Variants in NIPBL observed in about 807,000 individuals in gnomAD.
NIPBL encodes the protein NIPBL cohesin loading factor.
Under a neutral mutation model 321.8 loss-of-function variants are expected in NIPBL, and 19 were observed. The ratio of observed to expected loss-of-function variants is 0.06; its 90% CI spans 0.04 to 0.09. NIPBL has a LOEUF of 0.09. Among genes scored for constraint, NIPBL ranks in the 10% least tolerant of loss-of-function variants. The pLI is 1.00. For missense variants in NIPBL, 2,210 were observed against 3,327.0 expected (o/e 0.66, Z 8.26); for synonymous variants, 1,106 against 1,114.1 (o/e 0.99, Z 0.14).
intron 1 of NIPBL, among the ~76,000 whole-genome samples, chr5:36,917,278 C>T (rs905976156): frequency 6.6e-6 from 1 of 152,198 alleles, no homozygotes; most frequent in Non-Finnish European, 1.5e-5. Context: ...CTGTTGGCTG[C>T]ATAAATGTCT....
rs767920646 is a variant in NIPBL at position 37,001,026 on chromosome 5, C to T, written c.3612C>T (p.Ala1204=). 1.9e-6 allele frequency: 3 copies of T among 1,611,840 alleles called. No individual in the cohort carries two copies. Among genetic ancestry groups the T allele is most frequent in the Non-Finnish European group, 2.5e-6 (3 of 1,178,670 alleles). ...CTTCAACTTTTAAGAGATTCACAGC[C>T]TCAATAGAGAATATTTTGGATAATT... ...MDSSTFKRFT[A]SIENILDNLE... Residue 1204 remains alanine, a synonymous_variant, in exon 14 of 47, where the codon GCC becomes GCT. Coordinates refer to ENST00000282516, the MANE Select transcript of NIPBL (RefSeq NM_133433.4).
intron 8 of NIPBL, among the ~76,000 whole-genome samples, chr5:36,972,970 C>T (rs1269969409): frequency 1.3e-5 from 2 of 152,102 alleles, no homozygotes; most frequent in East Asian, 3.8e-4. Flanking sequence ...CTACTTTATG[C>T]ACACGAATTT....
intron 7 of NIPBL, 108 bp from the exon 8 acceptor site, chr5:36,971,837 T>A: frequency 6.6e-7 from 1 of 1,510,756 alleles, no homozygotes; most frequent in Non-Finnish European, 8.9e-7. Context: ...GCTTTTGAAT[T>A]CCAACACTTT....
At chr5:37,024,282 C>G (rs964282199) in intron 29 of NIPBL, among the ~76,000 whole-genome samples, 11 of 152,118 alleles carry the variant, frequency 7.2e-5, no homozygotes, top group African/African-American at 2.7e-4. Flanking sequence ...AAGTGCCAGA[C>G]ACTATTCTAA....
chr5:37,039,954 C>T (rs970478894), intron 34 of NIPBL, among the ~76,000 whole-genome samples: 1 of 152,026 alleles, frequency 6.6e-6, no homozygotes, highest in Admixed American at 6.6e-5. Context: ...CAGTACCAAG[C>T]ACTGTGAAAA....
chr5:36,890,098 G>C (rs1195770433), intron 1 of NIPBL, among the ~76,000 whole-genome samples: 1 of 151,876 alleles, frequency 6.6e-6, no homozygotes, highest in Non-Finnish European at 1.5e-5. Context: ...GATTTTCCTA[G>C]TTTTCTATAT....
At chr5:37,054,118 C>T (rs1342060286) in intron 42 of NIPBL, among the ~76,000 whole-genome samples, 1 of 151,778 alleles carries the variant, frequency 6.6e-6, no homozygotes, top group East Asian at 1.9e-4. Flanking sequence ...ATTGCTTGAA[C>T]CCAGGAGGCA....
intron 6 of NIPBL, among the ~76,000 whole-genome samples, chr5:36,966,252 A>G (rs1342976048): frequency 1.3e-5 from 2 of 152,002 alleles, no homozygotes; most frequent in African/African-American, 2.4e-5. Context: ...TTTTCACCCC[A>G]TGACACTAAT....
intron 6 of NIPBL, 58 bp downstream of exon 6, chr5:36,962,332 ATTTGTTT>A (rs1264955765): frequency 6.3e-7 from 1 of 1,584,992 alleles, no homozygotes; most frequent in Non-Finnish European, 8.7e-7. Flanking sequence ...TTCCAAGCAA[ATTTGTTT>A]TTTAAAATAT....
chr5:36,967,278 G>C (rs1320915444), intron 6 of NIPBL, among the ~76,000 whole-genome samples: 1 of 152,078 alleles, frequency 6.6e-6, no homozygotes. Flanking sequence ...AAACATTTCA[G>C]TCTTCATAGT....
chr5:36,953,864 C>T (rs2149597641), intron 2 of NIPBL, 104 bp downstream of exon 2: 1 of 1,004,320 alleles, frequency 1.0e-6, no homozygotes, highest in African/African-American at 1.6e-5. Context: ...AACACATTTA[C>T]AGAAATAGCA....
chr5:36,902,005 T>C (rs373689256), intron 1 of NIPBL, among the ~76,000 whole-genome samples: 1 of 152,274 alleles, frequency 6.6e-6, no homozygotes, highest in South Asian at 2.1e-4. Flanking sequence ...CTCTAATGAT[T>C]AGTGATGTTG....
chr5:37,017,974 GAAGTT>G (rs1465224982), intron 24 of NIPBL, among the ~76,000 whole-genome samples: 1 of 151,880 alleles, frequency 6.6e-6, no homozygotes, highest in African/African-American at 2.4e-5. Flanking sequence ...CGAACCACTT[GAAGTT>G]AAGTTGCAGA....
intron 4 of NIPBL, among the ~76,000 whole-genome samples, chr5:36,958,519 TAA>T (rs1338476488): frequency 2.0e-5 from 3 of 152,212 alleles, no homozygotes; most frequent in Non-Finnish European, 2.9e-5. Context: ...TAATTTGAAA[TAA>T]GTCTTTCATT....
chr5:36,965,429 A>ATTATATGT (rs1561087576), intron 6 of NIPBL, among the ~76,000 whole-genome samples: 1 of 152,010 alleles, frequency 6.6e-6, no homozygotes, highest in East Asian at 1.9e-4. Flanking sequence ...ACACAGACAA[A>ATTATATGT]TATTATATGT....
intron 29 of NIPBL, among the ~76,000 whole-genome samples, chr5:37,022,825 G>GT (rs1749805218): frequency 6.6e-6 from 1 of 152,184 alleles, no homozygotes; most frequent in South Asian, 2.1e-4. Context: ...GCATCTTCTT[G>GT]TTTCCTTAAA....
intron 1 of NIPBL, among the ~76,000 whole-genome samples, chr5:36,931,320 C>CT (rs1298555308): frequency 6.6e-6 from 1 of 151,336 alleles, no homozygotes; most frequent in Non-Finnish European, 1.5e-5. Context: ...TTAATTCTTT[C>CT]TTTTTTTATT....
Position 36,962,270 on chromosome 5 carries a change from A to G in NIPBL, c.606A>G (p.Gln202=), listed in dbSNP as rs1233849776. 6 of 1,613,942 alleles carry G rather than the reference A, an allele frequency of 3.7e-6. No individual in the cohort carries two copies. Among genetic ancestry groups the G allele is most frequent in the African/African-American group, 1.3e-5 (1 of 74,924 alleles). ...GTTACACAACACATCCACAGATGCA[A>G]CAAGGTAAGAAAGTTGTTTGTAACT... The part of the protein sequence containing the change: ...PSSYTTHPQM[Q]QASVSSPIVA... Residue 202 remains glutamine (Q), a synonymous_variant, in exon 6 of 47, where the codon CAA becomes CAG. Transcript: ENST00000282516.
chr5:36,998,336 A>G (rs1746385192), intron 11 of NIPBL, among the ~76,000 whole-genome samples: 1 of 152,058 alleles, frequency 6.6e-6, no homozygotes, highest in Non-Finnish European at 1.5e-5. Context: ...AATTTGATGA[A>G]TGTGAAATAA....
Sources: allele counts gnomAD v4.1 joint callset (sites outside exome capture counted in the v4.1 genomes callset), GRCh38; gene constraint gnomAD v4.1.1; transcripts MANE v1.5; gene names NCBI Gene and HGNC (gene_info 2026-07-23, HGNC 2026-07-21).